The following PIP4K2A variants were observed in gnomAD, a reference collection of about 807,000 sequenced individuals.
The protein encoded by PIP4K2A is phosphatidylinositol-5-phosphate 4-kinase type 2 alpha.
PIP4K2A carries 14 observed loss-of-function variants against 42.9 expected under a neutral mutation model. The ratio of observed to expected loss-of-function variants is 0.33; its 90% CI spans 0.22 to 0.51. PIP4K2A has a LOEUF of 0.51. Among genes scored for constraint, PIP4K2A ranks in the 20% least tolerant of loss-of-function variants. PIP4K2A has a pLI of 0.97. For missense variants in PIP4K2A, 434 were observed against 519.8 expected (o/e 0.83, Z 1.61); for synonymous variants, 192 against 192.2 (o/e 1.00, Z 0.01).
At chr10:22,560,345 C>T (rs1246777286) in intron 6 of PIP4K2A, among the ~76,000 whole-genome samples, 1 of 152,202 alleles carries the variant, frequency 6.6e-6, no homozygotes, top group Non-Finnish European at 1.5e-5. Flanking sequence ...GCCCGCCGCC[C>T]TGGCCACCTC....
At chr10:22,613,827 T>C (rs1838109465) in intron 1 of PIP4K2A, among the ~76,000 whole-genome samples, 1 of 151,968 alleles carries the variant, frequency 6.6e-6, no homozygotes, top group Non-Finnish European at 1.5e-5. Flanking sequence ...TTCTTCAGGA[T>C]GGAGGGTGTT....
At chr10:22,627,907 G>A (rs1838479394) in intron 1 of PIP4K2A, among the ~76,000 whole-genome samples, 1 of 152,134 alleles carries the variant, frequency 6.6e-6, no homozygotes, top group African/African-American at 2.4e-5. Context: ...GCCTATGGTT[G>A]TCATTATTCC....
intron 1 of PIP4K2A, among the ~76,000 whole-genome samples, chr10:22,640,014 CTTTTTT>C (rs71395806): frequency 2.4e-4 from 22 of 92,358 alleles, no homozygotes; most frequent in African/African-American, 6.6e-4. Context: ...GATGTGTTGT[CTTTTTT>C]TTTTTTTTTT....
At chr10:22,573,238 A>G in intron 5 of PIP4K2A, 73 bp downstream of exon 5, 3 of 1,373,026 alleles carry the variant, frequency 2.2e-6, no homozygotes, top group Non-Finnish European at 3.1e-6. Context: ...ATTTCTGATG[A>G]TCAATGACAA....
chr10:22,573,104 G>A (rs564107562), intron 5 of PIP4K2A, among the ~76,000 whole-genome samples: 1 of 152,320 alleles, frequency 6.6e-6, no homozygotes, highest in East Asian at 1.9e-4. Context: ...GAATATTTAA[G>A]TAGATGTGAT....
chr10:22,667,490 A>G (rs1252324951), intron 1 of PIP4K2A, among the ~76,000 whole-genome samples: 1 of 152,232 alleles, frequency 6.6e-6, no homozygotes, highest in Non-Finnish European at 1.5e-5. Flanking sequence ...AGTAATATCT[A>G]TGTGGTTTTA....
chr10:22,614,937 A>G (rs1838141528), intron 1 of PIP4K2A, among the ~76,000 whole-genome samples: 1 of 152,222 alleles, frequency 6.6e-6, no homozygotes, highest in Non-Finnish European at 1.5e-5. Flanking sequence ...AATATTTTAT[A>G]TAGCGCTCTG....
rs1491116368 is a variant in PIP4K2A at position 22,664,076 on chromosome 10, CGT to C, written c.144+50105_144+50106del. On this transcript the variant is annotated intron_variant, in intron 1 of 9. Coordinates refer to ENST00000376573, the MANE Select transcript of PIP4K2A (RefSeq NM_005028.5). Reference sequence around the variant, plus strand: ...ATGTATATATACATATATATATATACGTATATATATATACATATATATATATA... The same window carrying C: ...ATGTATATATACATATATATATATACATATATATATACATATATATATATA... 4.7e-3 allele frequency among the ~76,000 whole-genome samples: 259 copies of C among 54,802 alleles called. 16 individuals are homozygous for C. Among genetic ancestry groups the C allele is most frequent in the African/African-American group, 0.04 (219 of 5,414 alleles). 36.0% of individuals were successfully genotyped at this position (54,802 alleles called of 152,430 possible). A position where few individuals can be genotyped will look rare whatever the true frequency, so the allele number is the denominator to read the frequency against.
chr10:22,618,909 G>A (rs1838248772), intron 1 of PIP4K2A, among the ~76,000 whole-genome samples: 1 of 152,176 alleles, frequency 6.6e-6, no homozygotes, highest in East Asian at 1.9e-4. Context: ...TTTTTGATGT[G>A]TATTGGTAGC....
intron 1 of PIP4K2A, among the ~76,000 whole-genome samples, chr10:22,682,947 C>A (rs571207414): frequency 6.6e-6 from 1 of 152,170 alleles, no homozygotes; most frequent in African/African-American, 2.4e-5. Flanking sequence ...GAACAATGTG[C>A]GGTCATCTAC....
In PIP4K2A at chr10:22,714,414, C is replaced by A. The variant is rs552699127; in HGVS notation, c.-88G>T. ...CCCCGGCCCGGGGAGGCAGCCGCATCCCCCCGGCGGCGGCCCCGGCGCGCC... is the reference window on the plus strand; with the variant it reads ...CCCCGGCCCGGGGAGGCAGCCGCATACCCCCGGCGGCGGCCCCGGCGCGCC... On this transcript the variant is annotated 5_prime_UTR_variant, in exon 1 of 10. Coordinates refer to ENST00000376573, the MANE Select transcript of PIP4K2A (RefSeq NM_005028.5). The A allele has an allele frequency of 1.2e-5, 12 of 960,720 alleles. No homozygotes were observed. The Admixed American group carries it at 4.7e-4, about 38-fold the overall frequency. The allele number at this position is 960,720 out of a possible 1,614,324, so 59.5% of individuals were successfully genotyped here. A position where few individuals can be genotyped will look rare whatever the true frequency, so the allele number is the denominator to read the frequency against.
intron 1 of PIP4K2A, among the ~76,000 whole-genome samples, chr10:22,627,873 T>C (rs976488489): frequency 2.0e-5 from 3 of 152,122 alleles, no homozygotes; most frequent in Non-Finnish European, 4.4e-5. Flanking sequence ...TAAAACACAA[T>C]TTTTCCTAAT....
At chr10:22,703,731 T>C (rs986367647) in intron 1 of PIP4K2A, among the ~76,000 whole-genome samples, 13 of 152,176 alleles carry the variant, frequency 8.5e-5, no homozygotes, top group Admixed American at 8.5e-4. Flanking sequence ...GCAGACAAGG[T>C]GGACTGAAAC....
intron 1 of PIP4K2A, among the ~76,000 whole-genome samples, chr10:22,711,137 T>C (rs1833905288): frequency 6.6e-6 from 1 of 152,252 alleles, no homozygotes; most frequent in African/African-American, 2.4e-5. Context: ...GATGGGTATT[T>C]TAAGTTACAA....
At chr10:22,605,078 C>T (rs1187411749) in intron 3 of PIP4K2A, among the ~76,000 whole-genome samples, 1 of 152,180 alleles carries the variant, frequency 6.6e-6, no homozygotes, top group African/African-American at 2.4e-5. Context: ...GGGTCCCTGA[C>T]CCTACTGAAG....
intron 1 of PIP4K2A, among the ~76,000 whole-genome samples, chr10:22,655,896 T>A (rs1409591775): frequency 2.0e-5 from 3 of 152,106 alleles, no homozygotes; most frequent in Admixed American, 6.5e-5. Context: ...GGGTGTGTTG[T>A]GTAGTGTTGC....
chr10:22,582,821 T>C (rs1261652690), intron 4 of PIP4K2A, among the ~76,000 whole-genome samples: 1 of 151,326 alleles, frequency 6.6e-6, no homozygotes, highest in Non-Finnish European at 1.5e-5. Context: ...TGAGTGGATG[T>C]CTTGGTATGT....
At chr10:22,707,162 A>G (rs1476782814) in intron 1 of PIP4K2A, among the ~76,000 whole-genome samples, 1 of 152,214 alleles carries the variant, frequency 6.6e-6, no homozygotes, top group African/African-American at 2.4e-5. Flanking sequence ...TTAAGAACTT[A>G]CCATGTGCCA....
chr10:22,597,727 A>G (rs1397650661), intron 3 of PIP4K2A, among the ~76,000 whole-genome samples: 1 of 152,160 alleles, frequency 6.6e-6, no homozygotes, highest in Admixed American at 6.5e-5. Flanking sequence ...TGGAAAAAAA[A>G]AAAGCCTAGC....
Sources: allele counts gnomAD v4.1 joint callset (sites outside exome capture counted in the v4.1 genomes callset), GRCh38; gene constraint gnomAD v4.1.1; transcripts MANE v1.5; gene names NCBI Gene and HGNC (gene_info 2026-07-23, HGNC 2026-07-21).